Variants in PARD3B observed in about 807,000 individuals in gnomAD.
PARD3B encodes the protein partitioning defective 3 homolog B.
In PARD3B, 103 loss-of-function variants were observed where a neutral mutation model predicts 130.2. The ratio of observed to expected loss-of-function variants is 0.79; its 90% CI spans 0.67 to 0.93. The LOEUF is 0.93. Ranked by LOEUF, PARD3B falls within the 40% of genes least tolerant of loss-of-function variation. The pLI is 0.00. For synonymous variants in PARD3B, 583 were observed against 553.2 expected (o/e 1.05, Z -0.76); for missense variants, 1,609 against 1,499.2 (o/e 1.07, Z -1.21).
intron 2 of PARD3B, among the ~76,000 whole-genome samples, chr2:204,886,852 G>T (rs762101157): frequency 5.9e-5 from 9 of 152,194 alleles, no homozygotes; most frequent in Non-Finnish European, 1.0e-4. Flanking sequence ...CTGAGGGATT[G>T]TCAGACAGGT....
intron 4 of PARD3B, among the ~76,000 whole-genome samples, chr2:205,071,888 C>A (rs1422307746): frequency 6.6e-6 from 1 of 151,994 alleles, no homozygotes; most frequent in African/African-American, 2.4e-5. Context: ...TTAAAAAAAA[C>A]AAAAAATGCA....
At position 204,710,099 on chromosome 2, in the gene PARD3B, A is replaced by G. The variant is rs560713250; in HGVS notation, c.222+23817A>G. Among the ~76,000 whole-genome samples, 9 of 152,318 alleles carry G rather than the reference A, an allele frequency of 5.9e-5. No homozygotes were observed. The South Asian group carries it at 1.9e-3, about 32-fold the overall frequency. On this transcript the variant is annotated intron_variant, in intron 2 of 22. Coordinates refer to ENST00000406610, the MANE Select transcript of PARD3B (RefSeq NM_001302769.2). Reference sequence around the variant, plus strand: ...CTTCTATTTCTTACGTTAAAATAAGATTTCAGAAAAATTCTGTGAGAAAAG... The same window carrying G: ...CTTCTATTTCTTACGTTAAAATAAGGTTTCAGAAAAATTCTGTGAGAAAAG...
At chr2:204,860,536 C>T (rs1000452987) in intron 2 of PARD3B, among the ~76,000 whole-genome samples, 1 of 152,212 alleles carries the variant, frequency 6.6e-6, no homozygotes, top group African/African-American at 2.4e-5. Flanking sequence ...ACGACAACTT[C>T]TCCAGTGCTG....
chr2:205,189,286 C>A (rs1433718720), intron 14 of PARD3B, among the ~76,000 whole-genome samples: 1 of 152,180 alleles, frequency 6.6e-6, no homozygotes, highest in African/African-American at 2.4e-5. Flanking sequence ...AAATCTTCAT[C>A]CCCCACCTTT....
intron 15 of PARD3B, among the ~76,000 whole-genome samples, chr2:205,224,647 C>G (rs1009198487): frequency 2.8e-5 from 4 of 144,684 alleles, no homozygotes; most frequent in Non-Finnish European, 6.0e-5. Context: ...ATTTTTAGAT[C>G]CCACAAAAAA....
At position 204,986,468 on chromosome 2, in the gene PARD3B, C is replaced by T. The variant is rs1362906096; in HGVS notation, c.394+21145C>T. Among the ~76,000 whole-genome samples, 3 of 152,194 alleles carry T rather than the reference C, an allele frequency of 2.0e-5. No homozygotes were observed. In the East Asian group the frequency reaches 5.8e-4, roughly 29 times the overall value. On this transcript the variant is annotated intron_variant, in intron 3 of 22. Transcript: ENST00000406610. The stretch of plus-strand genomic sequence containing the variant: ...TTACCTAGTTTAAATCATAATCTCT[C>T]CTTGAGCTCTTAAATCCACTTTTGT...
intron 19 of PARD3B, among the ~76,000 whole-genome samples, chr2:205,402,762 G>T (rs2046295759): frequency 6.6e-6 from 1 of 152,180 alleles, no homozygotes; most frequent in Non-Finnish European, 1.5e-5. Context: ...AATAGTGAAA[G>T]AACTATACTA....
chr2:204,581,744 T>C (rs1490455632), intron 1 of PARD3B, among the ~76,000 whole-genome samples: 1 of 152,110 alleles, frequency 6.6e-6, no homozygotes, highest in Non-Finnish European at 1.5e-5. Context: ...CACAAAAATG[T>C]TAGTTATCTT....
At chr2:204,855,719 T>C (rs1344502045) in intron 2 of PARD3B, among the ~76,000 whole-genome samples, 1 of 152,058 alleles carries the variant, frequency 6.6e-6, no homozygotes. Flanking sequence ...TCCCCATTGC[T>C]CCATATTCTG....
intron 21 of PARD3B, among the ~76,000 whole-genome samples, chr2:205,524,205 T>C (rs1194227828): frequency 6.6e-6 from 1 of 152,166 alleles, no homozygotes; most frequent in South Asian, 2.1e-4. Flanking sequence ...CAAGCCTTTT[T>C]TGTGTTCTTT....
intron 22 of PARD3B, among the ~76,000 whole-genome samples, chr2:205,612,501 AGTT>A (rs1248514181): frequency 6.7e-6 from 1 of 149,968 alleles, no homozygotes; most frequent in Non-Finnish European, 1.5e-5. Flanking sequence ...AGAACTTAGA[AGTT>A]GTTCTGACAA....
rs1223870394 is a variant in PARD3B at position 204,907,318 on chromosome 2, C to T, written c.223-57834C>T. ...TGGAGGACAATGACTAGGGCTGTGACAGATGATGTGAATCCATAGGGCCAT... is the reference window on the plus strand; with the variant it reads ...TGGAGGACAATGACTAGGGCTGTGATAGATGATGTGAATCCATAGGGCCAT... On this transcript the variant is annotated intron_variant, in intron 2 of 22. Coordinates refer to ENST00000406610, the MANE Select transcript of PARD3B (RefSeq NM_001302769.2). This position sits in a 1 kb window ranked among gnomAD's most constrained non-coding sequence, Gnocchi z 5.7. Among the ~76,000 whole-genome samples, 2 of 152,158 alleles carry T rather than the reference C, an allele frequency of 1.3e-5. No individual in the cohort carries two copies. Among genetic ancestry groups the T allele is most frequent in the East Asian group, 3.8e-4 (2 of 5,198 alleles).
In PARD3B at chr2:204,677,110, T is replaced by C. The variant is rs1418993406; in HGVS notation, c.121-9071T>C. On this transcript the variant is annotated intron_variant, in intron 1 of 22. Coordinates refer to ENST00000406610, the MANE Select transcript of PARD3B (RefSeq NM_001302769.2). The surrounding 1 kb of genome is among the most constrained non-coding windows in gnomAD (Gnocchi z 4.1). ...TAGTTGGATTGGAGATCTCCTATGG[T>C]CATTTAACTCTCTGCTGTTACCTCT... 6.6e-6 allele frequency among the ~76,000 whole-genome samples: 1 copy of C among 152,208 alleles called. No individual in the cohort carries two copies. The highest frequency in any genetic ancestry group is 1.9e-4 in the East Asian group (1 of 5,184).
At chr2:205,338,501 C>T (rs2043400915) in intron 18 of PARD3B, among the ~76,000 whole-genome samples, 1 of 152,150 alleles carries the variant, frequency 6.6e-6, no homozygotes, top group African/African-American at 2.4e-5. Flanking sequence ...TGTAACTTCT[C>T]AGTGATTCTC....
intron 3 of PARD3B, among the ~76,000 whole-genome samples, chr2:204,998,356 ATATGTGTG>A (rs1469723263): frequency 1.5e-5 from 1 of 65,058 alleles, no homozygotes; most frequent in African/African-American, 8.1e-5. Context: ...ATATATATAT[ATATGTGTG>A]TGTGTGTGTG....
chr2:205,548,842 AT>A (rs1228980064), intron 21 of PARD3B, among the ~76,000 whole-genome samples: 1 of 152,146 alleles, frequency 6.6e-6, no homozygotes, highest in Non-Finnish European at 1.5e-5. Context: ...GAAGCTACAG[AT>A]TGGGAGAAAA....
At chr2:204,636,051 T>C (rs1331723048) in intron 1 of PARD3B, among the ~76,000 whole-genome samples, 2 of 152,158 alleles carry the variant, frequency 1.3e-5, no homozygotes, top group African/African-American at 2.4e-5. Flanking sequence ...AGGTGAATAC[T>C]CTTTGGCTTA....
chr2:205,336,613 T>G (rs1043806031), intron 18 of PARD3B, among the ~76,000 whole-genome samples: 5 of 152,246 alleles, frequency 3.3e-5, no homozygotes, highest in Admixed American at 2.0e-4. Flanking sequence ...CATTTGTTCA[T>G]GGCCCAAACA....
chr2:205,614,498 G>A (rs560949958), intron 22 of PARD3B, among the ~76,000 whole-genome samples: 70 of 152,142 alleles, frequency 4.6e-4, no homozygotes, highest in African/African-American at 1.6e-3. Flanking sequence ...AAGGTCAGGA[G>A]ATTGAGACCA....
Sources: allele counts gnomAD v4.1 joint callset (sites outside exome capture counted in the v4.1 genomes callset), GRCh38; gene constraint gnomAD v4.1.1; non-coding constraint Gnocchi (gnomAD v3.1); transcripts MANE v1.5; gene names NCBI Gene and HGNC (gene_info 2026-07-23, HGNC 2026-07-21).